The following DLG2 variants were observed in gnomAD, a reference collection of about 807,000 sequenced individuals.
The protein encoded by DLG2 is discs large MAGUK scaffold protein 2.
Under a neutral mutation model 132.5 loss-of-function variants are expected in DLG2, and 45 were observed. The observed-to-expected ratio is 0.34, with a 90% CI of 0.27 to 0.44. The LOEUF (loss-of-function observed/expected upper bound fraction) is 0.44. DLG2 is among the 20% of genes least tolerant of loss of function. The pLI is 1.00. For missense variants in DLG2, 1,045 were observed against 1,196.9 expected (o/e 0.87, Z 1.87); for synonymous variants, 424 against 419.6 (o/e 1.01, Z -0.13).
rs1444169929 is a variant in DLG2 at position 85,162,619 on chromosome 11, A to C, written c.187-7968T>G. Among the ~76,000 whole-genome samples, 5 of 152,210 alleles carry C rather than the reference A, an allele frequency of 3.3e-5. No homozygotes were observed. The East Asian group carries it at 9.6e-4, about 29-fold the overall frequency. ...CCTTTTTCCTTTATTATGTGACATA[A>C]AATTTATTGACTTCATATCAGCATT... On this transcript the variant is annotated intron_variant, in intron 4 of 27. Coordinates refer to ENST00000376104, the MANE Select transcript of DLG2 (RefSeq NM_001142699.3).
At chr11:84,202,531 G>A (rs2096609663) in intron 8 of DLG2, among the ~76,000 whole-genome samples, 1 of 152,064 alleles carries the variant, frequency 6.6e-6, no homozygotes, top group South Asian at 2.1e-4. Flanking sequence ...GAAAATCCAG[G>A]CAATATCATT....
intron 6 of DLG2, among the ~76,000 whole-genome samples, chr11:84,782,733 A>G (rs558242957): frequency 2.0e-5 from 3 of 152,168 alleles, no homozygotes; most frequent in Admixed American, 6.6e-5. Context: ...GCTCTATCAT[A>G]AAAAACATAT....
chr11:85,366,928 A>T (rs1338819524), intron 3 of DLG2, among the ~76,000 whole-genome samples: 3 of 152,106 alleles, frequency 2.0e-5, no homozygotes, highest in Admixed American at 2.0e-4. Context: ...TCATGATGTC[A>T]TTTCAATTAT....
chr11:83,868,974 A>T (rs921812621), intron 16 of DLG2, among the ~76,000 whole-genome samples: 1 of 152,186 alleles, frequency 6.6e-6, no homozygotes, highest in Non-Finnish European at 1.5e-5. Context: ...GTCCCTTAAA[A>T]GTTTACGCTC....
intron 19 of DLG2, among the ~76,000 whole-genome samples, chr11:83,555,347 T>C (rs1051132304): frequency 6.6e-6 from 1 of 152,226 alleles, no homozygotes; most frequent in Non-Finnish European, 1.5e-5. Context: ...TGTGAGATGA[T>C]CAGATTTACA....
At chr11:84,287,123 C>T (rs977538966) in intron 7 of DLG2, among the ~76,000 whole-genome samples, 1 of 152,048 alleles carries the variant, frequency 6.6e-6, no homozygotes, top group African/African-American at 2.4e-5. Context: ...TAATTGTTAC[C>T]TATTATCTGT....
intron 7 of DLG2, among the ~76,000 whole-genome samples, chr11:84,446,815 T>G (rs534227610): frequency 1.3e-5 from 2 of 152,220 alleles, no homozygotes; most frequent in South Asian, 4.1e-4. Flanking sequence ...GCCCTGAATG[T>G]CCATCAAAAC....
chr11:84,962,358 C>T (rs1044320086), intron 6 of DLG2, among the ~76,000 whole-genome samples: 2 of 152,316 alleles, frequency 1.3e-5, no homozygotes, highest in African/African-American at 2.4e-5. Flanking sequence ...GAAACACTAT[C>T]GGACAGATTG....
At chr11:85,576,096 G>A (rs904650470) in intron 3 of DLG2, among the ~76,000 whole-genome samples, 6 of 152,124 alleles carry the variant, frequency 3.9e-5, no homozygotes, top group Non-Finnish European at 8.8e-5. Flanking sequence ...AAGAAAAAAT[G>A]TATCTCAGAA....
intron 11 of DLG2, among the ~76,000 whole-genome samples, chr11:83,999,357 C>CCG: frequency 6.6e-6 from 1 of 152,256 alleles, no homozygotes; most frequent in South Asian, 2.1e-4. Context: ...ACCTGTGGGC[C>CCG]TGGAGACTGG....
At chr11:84,901,900 GA>G (rs1246158675) in intron 6 of DLG2, among the ~76,000 whole-genome samples, 3 of 151,848 alleles carry the variant, frequency 2.0e-5, no homozygotes, top group Non-Finnish European at 2.9e-5. Flanking sequence ...ATTAAGGGGG[GA>G]AAAAAAGGAA....
intron 9 of DLG2, among the ~76,000 whole-genome samples, chr11:84,157,130 T>C (rs1042914218): frequency 6.6e-6 from 1 of 152,208 alleles, no homozygotes. Flanking sequence ...AGTTTTTATA[T>C]AGTCAACTGT....
chr11:84,828,175 A>G (rs1379450098), intron 6 of DLG2, among the ~76,000 whole-genome samples: 12 of 151,890 alleles, frequency 7.9e-5, no homozygotes, highest in African/African-American at 2.9e-4. Flanking sequence ...GGCAGGAGAG[A>G]AAGAAAGCAG....
intron 18 of DLG2, among the ~76,000 whole-genome samples, chr11:83,782,764 G>A (rs907859762): frequency 2.0e-5 from 3 of 152,138 alleles, no homozygotes; most frequent in Admixed American, 2.0e-4. Context: ...GGAATATATT[G>A]TGAAAGACAA....
intron 6 of DLG2, among the ~76,000 whole-genome samples, chr11:85,058,827 G>T (rs542399706): frequency 7.9e-5 from 12 of 151,464 alleles, no homozygotes; most frequent in African/African-American, 2.4e-4. Context: ...GAGGGAAAAT[G>T]AATTGTGACC....
rs561379687 is a variant in DLG2 at position 84,592,000 on chromosome 11, T to C, written c.358-57269A>G. Reference sequence around the variant, plus strand: ...TCCTGAGTAGCTGGGACCATAGGCATGAGCCATCACGCCAGGCTGATTTTT... The same window carrying C: ...TCCTGAGTAGCTGGGACCATAGGCACGAGCCATCACGCCAGGCTGATTTTT... On this transcript the variant is annotated intron_variant, in intron 6 of 27. Transcript: ENST00000376104. 2.6e-5 allele frequency among the ~76,000 whole-genome samples: 4 copies of C among 152,210 alleles called. No individual in the cohort carries two copies. In the South Asian group the frequency reaches 8.3e-4, roughly 32 times the overall value.
chr11:84,680,016 C>A (rs2099724755), intron 6 of DLG2, among the ~76,000 whole-genome samples: 1 of 152,122 alleles, frequency 6.6e-6, no homozygotes, highest in Non-Finnish European at 1.5e-5. Context: ...GTTTGGTCAT[C>A]CAGTAATACT....
chr11:84,602,044 A>G (rs935721623), intron 6 of DLG2, among the ~76,000 whole-genome samples: 6 of 152,048 alleles, frequency 3.9e-5, no homozygotes, highest in Admixed American at 3.3e-4. Context: ...TAAAAGCATC[A>G]GGAAACTCAG....
chr11:84,811,860 A>G (rs1024937993), intron 6 of DLG2, among the ~76,000 whole-genome samples: 2 of 152,162 alleles, frequency 1.3e-5, no homozygotes, highest in African/African-American at 4.8e-5. Flanking sequence ...CAAAACTGTC[A>G]ATTTTAGAAC....
Sources: gnomAD v4.1 joint callset for allele counts (sites outside exome capture counted in the v4.1 genomes callset) on GRCh38, gnomAD v4.1.1 for gene constraint, MANE v1.5 for transcripts, NCBI Gene and HGNC (gene_info 2026-07-23, HGNC 2026-07-21) for gene names.